Variants in CTNNA3 observed in about 807,000 individuals in gnomAD.
CTNNA3 encodes catenin alpha-3.
Under a neutral mutation model 95.7 loss-of-function variants are expected in CTNNA3, and 76 were observed. The ratio of observed to expected loss-of-function variants is 0.79; its 90% CI spans 0.66 to 0.96. The LOEUF is 0.96. Among genes scored for constraint, CTNNA3 ranks in the 40% least tolerant of loss-of-function variants. The pLI is 0.00. For synonymous variants in CTNNA3, 431 were observed against 374.4 expected (o/e 1.15, Z -1.74); for missense variants, 1,191 against 1,089.8 (o/e 1.09, Z -1.31).
In CTNNA3 at chr10:66,442,175, T is replaced by G. The variant is rs572972974; in HGVS notation, c.1532-62823A>C. ...TTACACAGCATTTACAGTATATTAG[T>G]TATTATAAGTAACCCTGTAGCAATT... On this transcript the variant is annotated intron_variant, in intron 11 of 17. Coordinates refer to ENST00000433211, the MANE Select transcript of CTNNA3 (RefSeq NM_013266.4). Among the ~76,000 whole-genome samples, 14 of 152,272 alleles carry G rather than the reference T, an allele frequency of 9.2e-5. No homozygotes were observed. In the Middle Eastern group the frequency reaches 0.01, roughly 112 times the overall value.
intron 10 of CTNNA3, among the ~76,000 whole-genome samples, chr10:66,539,387 G>T (rs1841769815): frequency 6.6e-6 from 1 of 152,076 alleles, no homozygotes; most frequent in African/African-American, 2.4e-5. Flanking sequence ...AAAGGAAGAA[G>T]AAATTATGCA....
chr10:66,536,214 G>C (rs748035821), intron 10 of CTNNA3, among the ~76,000 whole-genome samples: 1 of 151,606 alleles, frequency 6.6e-6, no homozygotes, highest in Non-Finnish European at 1.5e-5. Flanking sequence ...AATCCTTGTG[G>C]CTCACACCTG....
chr10:67,703,207 G>A (rs1417078280), intron 1 of CTNNA3, among the ~76,000 whole-genome samples: 3 of 152,138 alleles, frequency 2.0e-5, no homozygotes, highest in Non-Finnish European at 4.4e-5. Flanking sequence ...ACAAACAGGA[G>A]CTGGTACCAT....
At chr10:66,360,760 CTTCCTTCCT>C (rs1564896914) in intron 12 of CTNNA3, among the ~76,000 whole-genome samples, 2 of 116,948 alleles carry the variant, frequency 1.7e-5, no homozygotes, top group African/African-American at 3.1e-5. Flanking sequence ...TCCTTCCTTC[CTTCCTTCCT>C]TTTCTTTCTT....
At chr10:66,170,727 CAAAA>C (rs34828048) in intron 13 of CTNNA3, among the ~76,000 whole-genome samples, 2 of 137,348 alleles carry the variant, frequency 1.5e-5, no homozygotes. Flanking sequence ...AATGTTTACC[CAAAA>C]AAAAAAAAAA....
At chr10:66,288,852 C>G (rs1324493380) in intron 12 of CTNNA3, among the ~76,000 whole-genome samples, 3 of 152,002 alleles carry the variant, frequency 2.0e-5, no homozygotes, top group African/African-American at 7.2e-5. Flanking sequence ...TCTGGCACCT[C>G]AAAATGCCCT....
chr10:66,218,179 T>C (rs4746556), intron 13 of CTNNA3, among the ~76,000 whole-genome samples: 13,001 of 152,230 alleles, frequency 0.085, 629 homozygotes, highest in East Asian at 0.17. Context: ...CTAAATTTTC[T>C]GGGCCATATG....
At position 67,116,836 on chromosome 10, in the gene CTNNA3, T is replaced by G. The variant is rs556542497; in HGVS notation, c.1047+63481A>C. Among the ~76,000 whole-genome samples, 18 of 151,422 alleles carry G rather than the reference T, an allele frequency of 1.2e-4. 1 individual carries two copies. The South Asian group carries it at 3.5e-3, about 30-fold the overall frequency. On this transcript the variant is annotated intron_variant, in intron 7 of 17. Transcript: ENST00000433211. ...AAAATTAAAAATTCTATAGCTTTACTTTATATGTGTATAAACACACATGTA... is the reference window on the plus strand; with the variant it reads ...AAAATTAAAAATTCTATAGCTTTACGTTATATGTGTATAAACACACATGTA...
At chr10:67,165,818 T>A (rs543513451) in intron 7 of CTNNA3, among the ~76,000 whole-genome samples, 96 of 152,292 alleles carry the variant, frequency 6.3e-4, no homozygotes, top group East Asian at 1.9e-4. Context: ...AGGTTTAATA[T>A]AAAAGTCAGA....
chr10:66,618,607 C>T (rs1042132211), intron 10 of CTNNA3, among the ~76,000 whole-genome samples: 1 of 152,098 alleles, frequency 6.6e-6, no homozygotes, highest in Non-Finnish European at 1.5e-5. Context: ...CATAAAAACC[C>T]TAGAAGAAAA....
intron 5 of CTNNA3, among the ~76,000 whole-genome samples, chr10:67,378,305 A>G (rs1328250336): frequency 6.6e-6 from 1 of 152,168 alleles, no homozygotes; most frequent in Non-Finnish European, 1.5e-5. Flanking sequence ...ATAATGATAC[A>G]GAGAGTTTCT....
chr10:66,435,182 A>C (rs2093328161), intron 11 of CTNNA3, among the ~76,000 whole-genome samples: 1 of 151,830 alleles, frequency 6.6e-6, no homozygotes, highest in Admixed American at 6.6e-5. Context: ...TTTTATGATA[A>C]TTTCTTTTCT....
At chr10:66,689,682 C>A (rs557448491) in intron 9 of CTNNA3, among the ~76,000 whole-genome samples, 1 of 152,142 alleles carries the variant, frequency 6.6e-6, no homozygotes, top group East Asian at 1.9e-4. Context: ...TGTTGCCTCA[C>A]TCCTTAATGA....
At chr10:67,409,755 T>C (rs1023950753) in intron 5 of CTNNA3, among the ~76,000 whole-genome samples, 1 of 151,992 alleles carries the variant, frequency 6.6e-6, no homozygotes, top group Admixed American at 6.6e-5. Context: ...AAAATAAAAG[T>C]TGAAGGACAA....
chr10:67,093,641 G>T (rs1046417917), intron 7 of CTNNA3, among the ~76,000 whole-genome samples: 5 of 151,542 alleles, frequency 3.3e-5, no homozygotes, highest in Non-Finnish European at 7.4e-5. Flanking sequence ...TTTGGTGCAA[G>T]GACATACCCT....
At chr10:67,176,048 C>T (rs1447095860) in intron 7 of CTNNA3, among the ~76,000 whole-genome samples, 4 of 152,026 alleles carry the variant, frequency 2.6e-5, no homozygotes, top group Non-Finnish European at 4.4e-5. Context: ...ATATATATCC[C>T]TAAGTTTTAA....
At chr10:66,126,142 T>C (rs1456157291) in intron 13 of CTNNA3, among the ~76,000 whole-genome samples, 1 of 152,192 alleles carries the variant, frequency 6.6e-6, no homozygotes, top group Admixed American at 6.5e-5. Context: ...CTTTGAAAAT[T>C]AATGTAATCC....
rs566696823 is a variant in CTNNA3, at chr10:66,064,890, CTAAT to C, written c.2159+4414_2159+4417del. Among the ~76,000 whole-genome samples the C allele has an allele frequency of 2.6e-3, 391 of 152,144 alleles. 6 individuals carry two copies. The highest frequency in any genetic ancestry group is 9.1e-3 in the African/African-American group (378 of 41,510). ...TGAATTAAAGTAGTATTTTAAAAATCTAATTAATTCAGCTACTACATATTAAATA... is the reference window on the plus strand; with the variant it reads ...TGAATTAAAGTAGTATTTTAAAAATCTAATTCAGCTACTACATATTAAATA... On this transcript the variant is annotated intron_variant, in intron 15 of 17. Coordinates refer to ENST00000433211, the MANE Select transcript of CTNNA3 (RefSeq NM_013266.4).
intron 3 of CTNNA3, among the ~76,000 whole-genome samples, chr10:67,575,648 C>A (rs1231426044): frequency 1.3e-5 from 2 of 152,154 alleles, no homozygotes; most frequent in Admixed American, 6.5e-5. Flanking sequence ...TTGCCTACTC[C>A]AAGCCAGAGA....
Sources: allele counts gnomAD v4.1 joint callset (sites outside exome capture counted in the v4.1 genomes callset), GRCh38; gene constraint gnomAD v4.1.1; transcripts MANE v1.5; gene names NCBI Gene and HGNC (gene_info 2026-07-23, HGNC 2026-07-21).